The following ZNF423 variants were observed in gnomAD, a reference collection of about 807,000 sequenced individuals.
ZNF423 encodes Ebf-associated zinc finger protein.
A neutral mutation model predicts 95.8 loss-of-function variants in ZNF423; 12 were observed. The ratio of observed to expected loss-of-function variants is 0.13; its 90% confidence interval spans 0.08 to 0.20. The LOEUF (loss-of-function observed/expected upper bound fraction) is 0.20. Ranked by LOEUF, ZNF423 falls within the 10% of genes least tolerant of loss-of-function variation. The pLI is 1.00. For synonymous variants in ZNF423, 749 were observed against 711.9 expected, an observed-to-expected ratio of 1.05 and a Z score of -0.83; for missense variants, 1,316 against 1,737.1, an observed-to-expected ratio of 0.76 and a Z score of 4.31.
chr16:49,589,704 C>A (rs974157588), intron 5 of ZNF423, among the ~76,000 whole-genome samples: 10 of 152,084 alleles, frequency 6.6e-5, no homozygotes, highest in Non-Finnish European at 1.0e-4. Flanking sequence ...AATATATATA[C>A]AGGCTGCAGC....
chr16:49,491,365 TC>T (rs1239669234), intron 7 of ZNF423, 61 bp from the exon 8 acceptor site: 4 of 1,595,874 alleles, frequency 2.5e-6, no homozygotes, highest in Non-Finnish European at 2.6e-6. Flanking sequence ...TGCTCGTCCC[TC>T]CCACTCAGTG....
At chr16:49,808,462 C>T (rs1204850152) in intron 1 of ZNF423, among the ~76,000 whole-genome samples, 1 of 152,212 alleles carries the variant, frequency 6.6e-6, no homozygotes, top group Non-Finnish European at 1.5e-5. Flanking sequence ...GAACCATTCA[C>T]CTATCAGCCA....
chr16:49,833,493 C>T lies in ZNF423; in HGVS notation c.40+22242G>A, dbSNP rs565126554. On this transcript the variant is annotated intron_variant, in intron 1 of 7. Transcript: ENST00000563137. Reference sequence around the variant, plus strand: ...GAAAAGAAACTCAGCCTGGCCCTAACCAAGCTCGCTAAGAAAATGTTTAAT... The same window carrying T: ...GAAAAGAAACTCAGCCTGGCCCTAATCAAGCTCGCTAAGAAAATGTTTAAT... Among the ~76,000 whole-genome samples, 3 of 152,280 alleles carry T rather than the reference C, an allele frequency of 2.0e-5. No homozygotes were observed. The South Asian group carries it at 6.2e-4, about 32-fold the overall frequency.
chr16:49,510,277 C>T (rs1354605030), intron 7 of ZNF423, among the ~76,000 whole-genome samples: 3 of 152,192 alleles, frequency 2.0e-5, no homozygotes, highest in African/African-American at 4.8e-5. Context: ...GTCCAGGTGA[C>T]GACAATGAGT....
chr16:49,710,580 G>GCATCCTCTCCATCCCCC (rs1567304814), intron 3 of ZNF423, among the ~76,000 whole-genome samples: 6 of 152,002 alleles, frequency 3.9e-5, no homozygotes, highest in Admixed American at 3.9e-4. Context: ...CTCCATCCCC[G>GCATCCTCTCCATCCCCC]GCATCCTGGT....
chr16:49,693,624 G>T (rs1327097207), intron 3 of ZNF423, among the ~76,000 whole-genome samples: 23 of 152,272 alleles, frequency 1.5e-4, no homozygotes, highest in South Asian at 4.1e-4. Context: ...CACAGTGATT[G>T]GCTTAAGGAT....
chr16:49,703,437 T>C (rs2032255370), intron 3 of ZNF423, among the ~76,000 whole-genome samples: 1 of 152,206 alleles, frequency 6.6e-6, no homozygotes, highest in Admixed American at 6.5e-5. Flanking sequence ...GCCCTACATT[T>C]TTCAGGGACT....
intron 5 of ZNF423, 114 bp from the exon 6 acceptor site, chr16:49,525,608 G>A: frequency 6.7e-7 from 1 of 1,483,216 alleles, no homozygotes. Context: ...CCCAGCACCG[G>A]GGCTGGTGAA....
intron 2 of ZNF423, among the ~76,000 whole-genome samples, chr16:49,765,326 C>T (rs2033910506): frequency 6.6e-6 from 1 of 152,136 alleles, no homozygotes; most frequent in Admixed American, 6.6e-5. Flanking sequence ...GTGGTAGCTG[C>T]ACTGAAAGGT....
At chr16:49,689,332 C>G (rs369481222) in intron 3 of ZNF423, among the ~76,000 whole-genome samples, 3 of 151,502 alleles carry the variant, frequency 2.0e-5, no homozygotes, top group African/African-American at 7.3e-5. Context: ...GTGGTGCGTG[C>G]CTGTGGTCCC....
rs1170467637 is a variant in ZNF423, at chr16:49,636,097, C to T, written c.3079G>A (p.Gly1027Ser). The T allele has an allele frequency of 1.2e-6, 2 of 1,613,952 alleles. No individual in the cohort carries two copies. The highest frequency in any genetic ancestry group is 1.7e-6 in the Non-Finnish European group (2 of 1,180,016). ...TGCATGCAGACCACACAGCGGAAGC[C>T]CGTGAGTGAGTTGCGCAGGTCAGGG... is the stretch of plus-strand genomic sequence containing the variant. ...MHPDLRNSLT[G>S]FRCVVCMQTV... The change falls in exon 4 of 8, where the codon GGC becomes AGC. Residue 1027 changes from glycine to serine, a missense_variant. Around this residue, in one of 6 missense-constraint regions of ZNF423, gnomAD observed 620 missense variants for 775.6 expected, o/e 0.80. Coordinates refer to ENST00000563137, the MANE Select transcript of ZNF423 (RefSeq NM_001379286.1). This position sits in a 1 kb window ranked among gnomAD's most constrained non-coding sequence, Gnocchi z 8.6.
At chr16:49,619,593 A>C (rs982413306) in intron 5 of ZNF423, among the ~76,000 whole-genome samples, 2 of 152,026 alleles carry the variant, frequency 1.3e-5, no homozygotes, top group Non-Finnish European at 2.9e-5. Context: ...ACGAAAAAAA[A>C]AAGAATAAAA....
intron 3 of ZNF423, among the ~76,000 whole-genome samples, chr16:49,683,528 A>G (rs1376696502): frequency 1.3e-5 from 2 of 152,184 alleles, no homozygotes; most frequent in Admixed American, 6.5e-5. Flanking sequence ...GTGGTAACCC[A>G]GGGCTAGAAT....
At chr16:49,721,575 C>A (rs572945150) in intron 3 of ZNF423, among the ~76,000 whole-genome samples, 1 of 152,278 alleles carries the variant, frequency 6.6e-6, no homozygotes, top group South Asian at 2.1e-4. Flanking sequence ...CCTCGCTCCC[C>A]AAGAACCATC....
intron 7 of ZNF423, among the ~76,000 whole-genome samples, chr16:49,507,697 C>T (rs1031206310): frequency 2.6e-5 from 4 of 152,210 alleles, no homozygotes; most frequent in Admixed American, 2.6e-4. Context: ...AGGTCCCAAG[C>T]CTGTATTCAA....
At chr16:49,553,506 C>T (rs567188068) in intron 5 of ZNF423, among the ~76,000 whole-genome samples, 5 of 152,112 alleles carry the variant, frequency 3.3e-5, no homozygotes, top group Admixed American at 6.5e-5. Flanking sequence ...ACCACCCCCA[C>T]GGGCTATTTT....
chr16:49,824,742 G>T (rs2034987578), intron 1 of ZNF423, among the ~76,000 whole-genome samples: 1 of 152,160 alleles, frequency 6.6e-6, no homozygotes, highest in African/African-American at 2.4e-5. Context: ...ACTCCAGAAG[G>T]AAACCTGACC....
chr16:49,593,231 A>C (rs1031584078), intron 5 of ZNF423, among the ~76,000 whole-genome samples: 1 of 152,122 alleles, frequency 6.6e-6, no homozygotes, highest in Admixed American at 6.5e-5. Flanking sequence ...CCAAGAGTTC[A>C]AGACCAGCCT....
chr16:49,847,940 T>G (rs918812960), intron 1 of ZNF423, among the ~76,000 whole-genome samples: 1 of 151,628 alleles, frequency 6.6e-6, no homozygotes, highest in Non-Finnish European at 1.5e-5. Flanking sequence ...CTGGGCAGCA[T>G]AGACCCATCT....
Sources: allele counts gnomAD v4.1 joint callset (sites outside exome capture counted in the v4.1 genomes callset), GRCh38; gene constraint gnomAD v4.1.1; regional missense constraint gnomAD v4.1.1; non-coding constraint Gnocchi (gnomAD v3.1); transcripts MANE v1.5; gene names NCBI Gene and HGNC (gene_info 2026-07-23, HGNC 2026-07-21).